Variants in SDCCAG8 observed in about 807,000 individuals in gnomAD.
SDCCAG8 encodes the protein SHH signaling and ciliogenesis regulator SDCCAG8.
In SDCCAG8, 74 loss-of-function variants were observed where a neutral mutation model predicts 101.8. That is an observed-to-expected ratio of 0.73 (90% CI 0.60 to 0.88). The LOEUF (loss-of-function observed/expected upper bound fraction) is 0.88. Among genes scored for constraint, SDCCAG8 ranks in the 40% least tolerant of loss-of-function variants. SDCCAG8 has a pLI of 0.00. For synonymous variants in SDCCAG8, 281 were observed against 292.9 expected (o/e 0.96, Z 0.41); for missense variants, 787 against 822.6 (o/e 0.96, Z 0.53).
At chr1:243,294,798 T>C (rs2149299503) in intron 6 of SDCCAG8, among the ~76,000 whole-genome samples, 1 of 151,782 alleles carries the variant, frequency 6.6e-6, no homozygotes, top group South Asian at 2.1e-4. Context: ...CTTTTATGTA[T>C]GTAACAGACG....
At chr1:243,381,882 A>C (rs1436185493) in intron 13 of SDCCAG8, among the ~76,000 whole-genome samples, 3 of 152,322 alleles carry the variant, frequency 2.0e-5, no homozygotes, top group South Asian at 2.1e-4. Context: ...GGCCCATTCT[A>C]CACCATAGGT....
At chr1:243,480,555 GGATA>G (rs1167178718) in intron 16 of SDCCAG8, among the ~76,000 whole-genome samples, 2 of 38,394 alleles carry the variant, frequency 5.2e-5, no homozygotes, top group Non-Finnish European at 5.5e-5. Flanking sequence ...ATGGATGGAT[GGATA>G]GGTGGGATGG....
intron 9 of SDCCAG8, among the ~76,000 whole-genome samples, chr1:243,325,750 A>AC: frequency 6.6e-6 from 1 of 152,230 alleles, no homozygotes; most frequent in Non-Finnish European, 1.5e-5. Flanking sequence ...ATTGAGTGAT[A>AC]AGAACCAATT....
intron 8 of SDCCAG8, among the ~76,000 whole-genome samples, chr1:243,310,981 T>C (rs2149323467): frequency 6.6e-6 from 1 of 152,368 alleles, no homozygotes; most frequent in South Asian, 2.1e-4. Context: ...ATTTTCACTC[T>C]GCTGGTGGGT....
At chr1:243,496,281 G>A (rs1234080242) in intron 17 of SDCCAG8, among the ~76,000 whole-genome samples, 3 of 152,186 alleles carry the variant, frequency 2.0e-5, no homozygotes, top group Admixed American at 6.5e-5. Flanking sequence ...GGGCGGAGCC[G>A]GGCCTGGCTG....
chr1:243,269,658 C>T (rs2067922963), intron 1 of SDCCAG8, among the ~76,000 whole-genome samples: 1 of 152,062 alleles, frequency 6.6e-6, no homozygotes, highest in Admixed American at 6.5e-5. Flanking sequence ...TGAGGCTTCC[C>T]TAGGTTGGAA....
At chr1:243,293,421 A>G in intron 6 of SDCCAG8, 1 of 701,610 alleles carries the variant, frequency 1.4e-6, no homozygotes, top group Non-Finnish European at 2.6e-6. Flanking sequence ...ATCTCAAACA[A>G]AAAGTCTGGA....
At chr1:243,387,419 T>G (rs1453033654) in intron 13 of SDCCAG8, among the ~76,000 whole-genome samples, 1 of 152,208 alleles carries the variant, frequency 6.6e-6, no homozygotes, top group African/African-American at 2.4e-5. Context: ...TAAATGATCT[T>G]TTTAATAATA....
intron 5 of SDCCAG8, among the ~76,000 whole-genome samples, chr1:243,292,077 G>T (rs2070323411): frequency 6.6e-6 from 1 of 152,298 alleles, no homozygotes; most frequent in African/African-American, 2.4e-5. Context: ...AAGTAGAAGA[G>T]CTTCTGTCTG....
intron 4 of SDCCAG8, among the ~76,000 whole-genome samples, chr1:243,275,568 G>A (rs973105970): frequency 6.6e-6 from 1 of 151,888 alleles, no homozygotes; most frequent in Non-Finnish European, 1.5e-5. Flanking sequence ...ACGTGGTCCT[G>A]GATTACCAGT....
intron 16 of SDCCAG8, among the ~76,000 whole-genome samples, chr1:243,442,548 A>C (rs941538817): frequency 1.3e-5 from 2 of 152,108 alleles, no homozygotes; most frequent in African/African-American, 4.8e-5. Flanking sequence ...ATTTTACGTC[A>C]GTTCTGCCTT....
intron 12 of SDCCAG8, among the ~76,000 whole-genome samples, chr1:243,374,037 A>G (rs1558375307): frequency 6.6e-6 from 1 of 152,112 alleles, no homozygotes; most frequent in Non-Finnish European, 1.5e-5. Flanking sequence ...AATAGGTAAA[A>G]TATTATATTC....
chr1:243,277,225 T>C (rs2068651546), intron 4 of SDCCAG8, among the ~76,000 whole-genome samples: 1 of 152,242 alleles, frequency 6.6e-6, no homozygotes, highest in Non-Finnish European at 1.5e-5. Flanking sequence ...AGAAATTGCC[T>C]AACTTTTCTA....
At chr1:243,471,443 C>G (rs971972262) in intron 16 of SDCCAG8, among the ~76,000 whole-genome samples, 2 of 152,206 alleles carry the variant, frequency 1.3e-5, no homozygotes, top group African/African-American at 2.4e-5. Context: ...CTGTCTGCCT[C>G]TGTGTCTGCC....
At chr1:243,357,571 C>T (rs1195760197) in intron 12 of SDCCAG8, among the ~76,000 whole-genome samples, 1 of 152,176 alleles carries the variant, frequency 6.6e-6, no homozygotes, top group Non-Finnish European at 1.5e-5. Flanking sequence ...TGTGAGTCAG[C>T]TGGGAGTAAT....
At position 243,466,724 on chromosome 1, in the gene SDCCAG8, G is replaced by C. The variant is rs141386357; in HGVS notation, c.1986-22290G>C. ...AATGAGCCTGTATTATGCCTGGGAG[G>C]TGATGTTACACAGGTCCTATCGAGA... On this transcript the variant is annotated intron_variant, in intron 16 of 17. Coordinates refer to ENST00000366541, the MANE Select transcript of SDCCAG8 (RefSeq NM_006642.5). Among the ~76,000 whole-genome samples the C allele has an allele frequency of 3.0e-4, 46 of 152,354 alleles. 1 individual carries two copies. The East Asian group carries it at 8.9e-3, about 29-fold the overall frequency.
At chr1:243,272,361 T>C (rs2068163882) in intron 3 of SDCCAG8, among the ~76,000 whole-genome samples, 1 of 152,228 alleles carries the variant, frequency 6.6e-6, no homozygotes, top group Admixed American at 6.5e-5. Context: ...GGCTGACACA[T>C]ACTTTTAAGC....
chr1:243,374,854 G>C (rs1360663686), intron 12 of SDCCAG8, among the ~76,000 whole-genome samples: 4 of 151,906 alleles, frequency 2.6e-5, no homozygotes, highest in African/African-American at 4.8e-5. Flanking sequence ...GTTCTTAAAA[G>C]AACATACACT....
At chr1:243,492,604 GT>G (rs74162289) in intron 17 of SDCCAG8, among the ~76,000 whole-genome samples, 22,542 of 58,754 alleles carry the variant, frequency 0.38, 3,221 homozygotes, top group Admixed American at 0.46. Flanking sequence ...GCGCCCAGCT[GT>G]TTTTTTTTTT....
Sources: gnomAD v4.1 joint callset for allele counts (sites outside exome capture counted in the v4.1 genomes callset) on GRCh38, gnomAD v4.1.1 for gene constraint, MANE v1.5 for transcripts, NCBI Gene and HGNC (gene_info 2026-07-23, HGNC 2026-07-21) for gene names.